HEATR4: variants seen among roughly 807,000 people sequenced by gnomAD.
HEATR4 encodes HEAT repeat-containing protein 4.
In HEATR4, 95 loss-of-function variants were observed where a neutral mutation model predicts 108.8. That is an observed-to-expected ratio of 0.87 (90% CI 0.74 to 1.04). The LOEUF (loss-of-function observed/expected upper bound fraction) is 1.04, where lower values mean the gene tolerates loss of function less well. Ranked by LOEUF, HEATR4 falls within the 50% of genes least tolerant of loss-of-function variation. The pLI is 0.00. For synonymous variants in HEATR4, 443 were observed against 459.4 expected (o/e 0.96, Z 0.46); for missense variants, 1,152 against 1,253.8 (o/e 0.92, Z 1.23).
At chr14:73,595,668 T>C in the HEATR4 span, 1 of 1,512,422 alleles carries the variant, frequency 6.6e-7, no homozygotes, top group Non-Finnish European at 8.8e-7. Flanking sequence ...ATTTGTCTGT[T>C]GTTGACATGA....
At chr14:73,491,499 C>A in intron 17 of HEATR4, 2 of 1,512,208 alleles carry the variant, frequency 1.3e-6, no homozygotes, top group Middle Eastern at 2.3e-4. Flanking sequence ...GTCCAGTCGT[C>A]CGGGGCCCCT....
At chr14:73,518,430 A>G (rs1887763666) in intron 5 of HEATR4, among the ~76,000 whole-genome samples, 1 of 152,052 alleles carries the variant, frequency 6.6e-6, no homozygotes, top group Non-Finnish European at 1.5e-5. Flanking sequence ...AAAAAAAGGA[A>G]TGGGTGACAA....
At chr14:73,570,953 T>C in the HEATR4 span, among the ~76,000 whole-genome samples, 1 of 150,138 alleles carries the variant, frequency 6.7e-6, no homozygotes, top group African/African-American at 2.4e-5. Flanking sequence ...AATGTTCTTA[T>C]TTATGTATTG....
chr14:73,569,786 G>C, the HEATR4 span: 9 of 1,605,178 alleles, frequency 5.6e-6, no homozygotes, highest in Admixed American at 5.0e-5. Context: ...GGCGGCTGCT[G>C]TGCCAGACGC....
the HEATR4 span, chr14:73,568,147 G>A: frequency 6.6e-6 from 1 of 151,970 alleles, no homozygotes; most frequent in South Asian, 2.1e-4. Flanking sequence ...GAACTGACAG[G>A]GAATTGTATG....
At chr14:73,569,214 C>G in the HEATR4 span, 1 of 1,611,020 alleles carries the variant, frequency 6.2e-7, no homozygotes, top group Non-Finnish European at 8.5e-7. Context: ...CTAGTGGGCG[C>G]TTAGCCTGCG....
intron 11 of HEATR4, 141 bp from the exon 12 acceptor site, chr14:73,500,871 T>G (rs1265039913): frequency 2.8e-6 from 2 of 702,540 alleles, no homozygotes; most frequent in African/African-American, 1.8e-5. Context: ...AGATAAGTTT[T>G]ACTGGGTACA....
Position 73,514,231 on chromosome 14 carries a change from T to C in HEATR4, c.1214A>G (p.Tyr405Cys). 1 of 1,613,944 alleles carries C rather than the reference T, an allele frequency of 6.2e-7. No homozygotes were observed. The highest frequency in any genetic ancestry group is 1.3e-5 in the African/African-American group (1 of 75,064). The change falls in exon 6 of 18, where the codon TAC (tyrosine) becomes TGC (cysteine). Residue 405 changes from tyrosine (Y) to cysteine (C), a missense_variant. Transcript: ENST00000553558. ...WSAQAIPEAS[Y>C]RPVQGALRWT... The stretch of plus-strand genomic sequence containing the variant: ...GCGCAGGGCTCCTTGCACAGGTCTG[T>C]AAGCTGTGCAACGTGGCAGTGTGAG...
At chr14:73,479,439 C>CTTTCTTTCTTTCTTT (rs777249301) in intron 17 of HEATR4, among the ~76,000 whole-genome samples, 3 of 107,642 alleles carry the variant, frequency 2.8e-5, no homozygotes, top group Non-Finnish European at 5.5e-5. Context: ...TTCTTTCTTT[C>CTTTCTTTCTTTCTTT]TTTTTTTTTT....
At chr14:73,541,052 T>C (rs11627927) in intron 1 of HEATR4, among the ~76,000 whole-genome samples, 89 of 109,066 alleles carry the variant, frequency 8.2e-4, no homozygotes, top group African/African-American at 2.4e-3. Flanking sequence ...TGCATTATTA[T>C]TCTTTAATTT....
chr14:73,507,313 G>A (rs902212605), intron 9 of HEATR4, among the ~76,000 whole-genome samples: 7 of 152,104 alleles, frequency 4.6e-5, no homozygotes, highest in Admixed American at 3.9e-4. Flanking sequence ...TTTTCTCTCA[G>A]CTAACTATTG....
chr14:73,512,325 A>G (rs537005583), intron 6 of HEATR4, among the ~76,000 whole-genome samples, 176 bp from the exon 7 acceptor site: 7 of 152,326 alleles, frequency 4.6e-5, no homozygotes, highest in African/African-American at 1.7e-4. Context: ...CTGATGATCC[A>G]TGTACCCTCA....
rs1433470478 is a variant in HEATR4 at position 73,492,034 on chromosome 14, C to T, written c.2844+1032G>A. 3.7e-6 allele frequency: 6 copies of T among 1,614,024 alleles called. No homozygotes were observed. The highest frequency in any genetic ancestry group is 5.1e-6 in the Non-Finnish European group (6 of 1,179,894). Reference sequence around the variant, plus strand: ...CCCCTAACTCGCAGGGCTTTGCCCCCCACTACGACGACATCGAGGCCTTCG... The same window carrying T: ...CCCCTAACTCGCAGGGCTTTGCCCCTCACTACGACGACATCGAGGCCTTCG... On this transcript the variant is annotated intron_variant, in intron 17 of 17. Coordinates refer to ENST00000553558, the MANE Select transcript of HEATR4 (RefSeq NM_001220484.1). The surrounding 1 kb of genome is among the most constrained non-coding windows in gnomAD (Gnocchi z 4.9).
At chr14:73,629,047 G>A in the HEATR4 span, among the ~76,000 whole-genome samples, 1 of 138,380 alleles carries the variant, frequency 7.2e-6, no homozygotes, top group Non-Finnish European at 1.6e-5. Flanking sequence ...AAGAGCGAGA[G>A]TATGTTCCCA....
In HEATR4 at chr14:73,506,525, C is replaced by T. The variant is rs760076062; in HGVS notation, c.1928G>A (p.Trp643Ter). 1.2e-6 allele frequency: 2 copies of T among 1,613,842 alleles called. No individual in the cohort carries two copies. The part of the protein sequence containing the change: ...MLAVELNSCQ[W>*]KNRIVACQAF... ...CTGGCAGGCCACAATCCGGTTCTTC[C>T]ATTGACAGCTGTTCAGCTCCACAGC... Residue 643 changes from tryptophan (W) to a stop codon, truncating the protein, a stop_gained, in exon 10 of 18, where the codon TGG becomes TAG. Coordinates refer to ENST00000553558, the MANE Select transcript of HEATR4 (RefSeq NM_001220484.1). LOFTEE classifies it high-confidence loss of function.
the HEATR4 span, among the ~76,000 whole-genome samples, chr14:73,615,395 AAAAAAAAAAAAACAAAAAAC>A: frequency 8.3e-6 from 1 of 120,024 alleles, no homozygotes; most frequent in African/African-American, 2.9e-5. Context: ...TGATAAAAAA[AAAAAAAAAAAAACAAAAAAC>A]AAAAAAAACC....
chr14:73,576,305 A>G, the HEATR4 span, among the ~76,000 whole-genome samples: 1 of 152,180 alleles, frequency 6.6e-6, no homozygotes, highest in Middle Eastern at 3.4e-3. Context: ...CTAGTTAGAT[A>G]TAAAACTACT....
intron 5 of HEATR4, among the ~76,000 whole-genome samples, chr14:73,515,007 G>A (rs1887499434): frequency 6.6e-6 from 1 of 151,500 alleles, no homozygotes; most frequent in Non-Finnish European, 1.5e-5. Context: ...GGCGGAGGTT[G>A]CAGTGAGCTG....
At chr14:73,509,866 A>ATATTTATATATTTATATATT (rs1887124392) in intron 7 of HEATR4, among the ~76,000 whole-genome samples, 7 of 67,524 alleles carry the variant, frequency 1.0e-4, no homozygotes, top group African/African-American at 4.4e-4. Flanking sequence ...ATATATATAT[A>ATATTTATATATTTATATATT]TATTTATTTA....
Sources: allele counts gnomAD v4.1 joint callset (sites outside exome capture counted in the v4.1 genomes callset), GRCh38; gene constraint gnomAD v4.1.1; non-coding constraint Gnocchi (gnomAD v3.1); transcripts MANE v1.5; gene names NCBI Gene and HGNC (gene_info 2026-07-23, HGNC 2026-07-21).